MTMR12: variants seen among roughly 807,000 people sequenced by gnomAD.
MTMR12 encodes the protein myotubularin-related protein 12.
A neutral mutation model predicts 96.7 loss-of-function variants in MTMR12; 33 were observed. The observed-to-expected ratio is 0.34, with a 90% CI of 0.26 to 0.46. The LOEUF (loss-of-function observed/expected upper bound fraction) is 0.46, where lower values mean the gene tolerates loss of function less well. Among genes scored for constraint, MTMR12 ranks in the 20% least tolerant of loss-of-function variants. MTMR12 has a pLI of 1.00. For synonymous variants in MTMR12, 298 were observed against 327.2 expected, an observed-to-expected ratio of 0.91 and a Z score of 0.96; for missense variants, 721 against 896.1, an observed-to-expected ratio of 0.80 and a Z score of 2.49.
At chr5:32,306,029 G>A (rs1751344996) in intron 1 of MTMR12, among the ~76,000 whole-genome samples, 2 of 152,146 alleles carry the variant, frequency 1.3e-5, no homozygotes, top group South Asian at 4.1e-4. Context: ...TATCTGCTCA[G>A]CAGTTACCTG....
intron 7 of MTMR12, among the ~76,000 whole-genome samples, chr5:32,261,348 C>T (rs577858755): frequency 6.6e-6 from 1 of 152,256 alleles, no homozygotes; most frequent in East Asian, 1.9e-4. Context: ...TGCTCCTCCC[C>T]CATCCCTGGG....
At chr5:32,298,952 CAAAAAAAAAAA>C (rs766708610) in intron 1 of MTMR12, among the ~76,000 whole-genome samples, 1 of 54,644 alleles carries the variant, frequency 1.8e-5, no homozygotes, top group East Asian at 4.5e-4. Flanking sequence ...GACTCCATCT[CAAAAAAAAAAA>C]AAAAAAAAGA....
At chr5:32,237,963 C>T (rs1338171543) in intron 13 of MTMR12, among the ~76,000 whole-genome samples, 2 of 151,080 alleles carry the variant, frequency 1.3e-5, no homozygotes, top group East Asian at 4.0e-4. Flanking sequence ...GCCAACATGG[C>T]GAAACCCCAT....
At position 32,263,170 on chromosome 5, in the gene MTMR12, T is replaced by C; in HGVS notation, c.656A>G (p.Lys219Arg). ...CACTGCTTTGTACTTCATGTTGCCT[T>C]TGGTCCGTTCCAGTTCCCAACACCA... ...KDWCWELERT[K>R]GNMKYKAVSV... The change falls in exon 7 of 16, where the codon AAA becomes AGA. Residue 219 changes from lysine to arginine, a missense_variant. Transcript: ENST00000382142. 1 of 1,614,210 alleles carries C rather than the reference T, an allele frequency of 6.2e-7. No individual in the cohort carries two copies. The highest frequency in any genetic ancestry group is 8.5e-7 in the Non-Finnish European group (1 of 1,180,026).
At chr5:32,254,328 G>A (rs970603916) in intron 8 of MTMR12, among the ~76,000 whole-genome samples, 4 of 152,172 alleles carry the variant, frequency 2.6e-5, no homozygotes, top group Non-Finnish European at 5.9e-5. Context: ...AGCAGTGGTG[G>A]TAAAATTGCT....
Position 32,229,813 on chromosome 5 carries a change from G to C in MTMR12, c.2209C>G (p.Arg737Gly), listed in dbSNP as rs145436150. 1.9e-6 allele frequency: 3 copies of C among 1,561,002 alleles called. No individual in the cohort carries two copies. Among genetic ancestry groups the C allele is most frequent in the Non-Finnish European group, 2.6e-6 (3 of 1,154,594 alleles). ...ALGDEDDLAK[R>G]EDEFVDLGDV ...CCTAGGTCCACGAACTCATCTTCTC[G>C]TTTGGCCAAATCGTCTTCATCTCCC... is the stretch of plus-strand genomic sequence containing the variant. The change falls in exon 16 of 16, where the codon CGA (arginine) becomes GGA (glycine). Residue 737 changes from arginine (R) to glycine (G), a missense_variant. Arg to Gly is a moderately radical substitution (Grantham distance 125). Coordinates refer to ENST00000382142, the MANE Select transcript of MTMR12 (RefSeq NM_001040446.3).
intron 1 of MTMR12, among the ~76,000 whole-genome samples, chr5:32,310,142 A>G (rs1209034891): frequency 6.6e-6 from 1 of 152,188 alleles, no homozygotes; most frequent in Non-Finnish European, 1.5e-5. Flanking sequence ...ACAGCAAGAC[A>G]TCACCTCTAC....
chr5:32,253,814 G>C (rs569042191), intron 8 of MTMR12, among the ~76,000 whole-genome samples: 1 of 152,324 alleles, frequency 6.6e-6, no homozygotes, highest in East Asian at 1.9e-4. Context: ...TGTAGAGATG[G>C]AGTCTCGCTT....
intron 1 of MTMR12, among the ~76,000 whole-genome samples, chr5:32,301,763 C>A (rs553932379): frequency 2.6e-4 from 40 of 152,140 alleles, no homozygotes; most frequent in South Asian, 6.2e-4. Context: ...TGGTGGCACA[C>A]CCCTGTAACC....
At chr5:32,246,164 T>C (rs929970495) in intron 10 of MTMR12, among the ~76,000 whole-genome samples, 8 of 147,378 alleles carry the variant, frequency 5.4e-5, no homozygotes, top group Non-Finnish European at 1.2e-4. Context: ...GCCTATTGAG[T>C]AGACAGTTTT....
intron 10 of MTMR12, among the ~76,000 whole-genome samples, chr5:32,243,869 T>C (rs1748573028): frequency 6.6e-6 from 1 of 152,208 alleles, no homozygotes; most frequent in Admixed American, 6.5e-5. Flanking sequence ...CACAAAGCCA[T>C]GGTTCATCCT....
At chr5:32,286,825 C>T (rs896105923) in intron 1 of MTMR12, among the ~76,000 whole-genome samples, 1 of 152,148 alleles carries the variant, frequency 6.6e-6, no homozygotes, top group African/African-American at 2.4e-5. Flanking sequence ...CTCCCCTGGC[C>T]GACCATGCCT....
At chr5:32,298,034 G>A (rs896880152) in intron 1 of MTMR12, among the ~76,000 whole-genome samples, 1 of 152,240 alleles carries the variant, frequency 6.6e-6, no homozygotes, top group African/African-American at 2.4e-5. Context: ...TCTTGGCTGT[G>A]CCTTGAAAGC....
chr5:32,248,224 A>G, intron 9 of MTMR12, 98 bp from the exon 10 acceptor site: 1 of 1,332,930 alleles, frequency 7.5e-7, no homozygotes, highest in Non-Finnish European at 1.0e-6. Flanking sequence ...CTCAGTAGGC[A>G]TTCTCCCATT....
chr5:32,270,901 G>C lies in MTMR12; in HGVS notation c.405C>G (p.Tyr135Ter), dbSNP rs1332878837. 1 of 1,613,846 alleles carries C rather than the reference G, an allele frequency of 6.2e-7. No homozygotes were observed. Among genetic ancestry groups the C allele is most frequent in the Non-Finnish European group, 8.5e-7 (1 of 1,179,884 alleles). The part of the protein sequence containing the change: ...KKTLFGQLKK[Y>*]PEKLIIHCKD... ...TGCAGTGGATGATGAGCTTCTCAGG[G>C]TATTTCTTCAGTTGTCCAAAGAGAG... Residue 135 changes from tyrosine to a stop codon, truncating the protein, a stop_gained, in exon 5 of 16, where the codon TAC becomes TAG. Transcript: ENST00000382142. LOFTEE classifies it high-confidence loss of function.
chr5:32,251,597 T>A (rs888390965), intron 8 of MTMR12, among the ~76,000 whole-genome samples: 1 of 152,154 alleles, frequency 6.6e-6, no homozygotes, highest in Non-Finnish European at 1.5e-5. Flanking sequence ...AAAACAAGTA[T>A]AGACTCTTTA....
intron 5 of MTMR12, among the ~76,000 whole-genome samples, chr5:32,270,127 C>CT (rs2112079648): frequency 6.6e-6 from 1 of 151,950 alleles, no homozygotes; most frequent in East Asian, 1.9e-4. Context: ...AGGGAAAAGT[C>CT]TGAGATCAAT....
At chr5:32,248,232 A>G in intron 9 of MTMR12, 106 bp from the exon 10 acceptor site, 6 of 1,277,774 alleles carry the variant, frequency 4.7e-6, no homozygotes, top group African/African-American at 1.5e-5. Flanking sequence ...GCATTCTCCC[A>G]TTTAATCTTC....
In MTMR12 at chr5:32,268,687, C is replaced by T. The variant is rs766783019; in HGVS notation, c.583+14G>A. 6.2e-7 allele frequency: 1 copy of T among 1,606,720 alleles called. No homozygotes were observed. On this transcript the variant is annotated intron_variant, in intron 6 of 15. Coordinates refer to ENST00000382142, the MANE Select transcript of MTMR12 (RefSeq NM_001040446.3). ...TTCTGCTTACCCTCAAATTAGAACCCAGAAGATATTTACCTGTATTGTTTT... is the reference window on the plus strand; with the variant it reads ...TTCTGCTTACCCTCAAATTAGAACCTAGAAGATATTTACCTGTATTGTTTT...
Sources: allele counts gnomAD v4.1 joint callset (sites outside exome capture counted in the v4.1 genomes callset), GRCh38; gene constraint gnomAD v4.1.1; transcripts MANE v1.5; gene names NCBI Gene and HGNC (gene_info 2026-07-23, HGNC 2026-07-21).